Variants in TFEB observed in about 807,000 individuals in gnomAD.
TFEB encodes transcription factor EB.
A neutral mutation model predicts 48.0 loss-of-function variants in TFEB; 12 were observed. The ratio of observed to expected loss-of-function variants is 0.25; its 90% CI spans 0.16 to 0.40. The LOEUF is 0.40. TFEB is among the 10% of genes least tolerant of loss of function. The pLI is 1.00. For synonymous variants in TFEB, 244 were observed against 261.4 expected, an observed-to-expected ratio of 0.93 and a Z score of 0.64; for missense variants, 509 against 640.3, an observed-to-expected ratio of 0.79 and a Z score of 2.21.
chr6:41,690,282 C>T lies in TFEB; in HGVS notation c.468+381G>A, dbSNP rs142306903. ...AGTAGCTGGGATTACAGGCGTGCAC[C>T]ACCACGCCCAGCTAATTTTTGTATT... On this transcript the variant is annotated intron_variant, in intron 3 of 8. Coordinates refer to ENST00000373033, the MANE Select transcript of TFEB (RefSeq NM_001271944.2). Among the ~76,000 whole-genome samples, 1,022 of 152,262 alleles carry T rather than the reference C, an allele frequency of 6.7e-3. 6 individuals carry two copies. The highest frequency in any genetic ancestry group is 0.023 in the African/African-American group (970 of 41,546).
chr6:41,700,790 C>T (rs1769878482), intron 1 of TFEB, among the ~76,000 whole-genome samples: 1 of 152,338 alleles, frequency 6.6e-6, no homozygotes, highest in African/African-American at 2.4e-5. Flanking sequence ...ACAGCTCAGG[C>T]CCATCAGCCC....
intron 1 of TFEB, among the ~76,000 whole-genome samples, chr6:41,727,048 T>C (rs2127272895): frequency 1.3e-5 from 2 of 152,196 alleles, no homozygotes; most frequent in East Asian, 1.9e-4. Flanking sequence ...TACCATAGCC[T>C]CTTTCACCCG....
intron 1 of TFEB, among the ~76,000 whole-genome samples, chr6:41,708,531 G>A (rs13193017): frequency 0.1 from 15,420 of 152,220 alleles, 1,076 homozygotes; most frequent in Admixed American, 0.18. Context: ...TTCTGCAGAG[G>A]CCTCCAATGG....
rs1581878791 is a variant in TFEB, at chr6:41,690,777, T to G, written c.354A>C (p.Pro118=). 6.2e-7 allele frequency: 1 copy of G among 1,610,398 alleles called. No individual in the cohort carries two copies. The highest frequency in any genetic ancestry group is 8.5e-7 in the Non-Finnish European group (1 of 1,177,978). Residue 118 remains proline, a synonymous_variant, in exon 3 of 9, where the codon CCA becomes CCC. Transcript: ENST00000373033. ...ISPAQGSPKP[P]PAASPGVRAG... is the part of the protein sequence containing the mutation. ...CTCGCACCCCTGGGGAGGCGGCTGG[T>G]GGGGGTTTCGGAGAGCCCTGGGCTG...
At chr6:41,727,804 G>A (rs1433935977) in intron 1 of TFEB, among the ~76,000 whole-genome samples, 1 of 152,252 alleles carries the variant, frequency 6.6e-6, no homozygotes, top group Non-Finnish European at 1.5e-5. Flanking sequence ...GGCCTGAGCT[G>A]TCGGCCCTGA....
chr6:41,686,313 A>C lies in TFEB; in HGVS notation c.804-76T>G, dbSNP rs1034735943. ...AAATCCTTGCTACTGCTCTGGTTGC[A>C]GAGCTTATGTGGCCTGTCCCAGTCT... On this transcript the variant is annotated intron_variant, in intron 7 of 8. Coordinates refer to ENST00000373033, the MANE Select transcript of TFEB (RefSeq NM_001271944.2). 15 of 1,580,412 alleles carry C rather than the reference A, an allele frequency of 9.5e-6. No homozygotes were observed. The African/African-American group carries it at 1.6e-4, about 17-fold the overall frequency.
rs140862976 is a variant in TFEB at position 41,725,063 on chromosome 6, G to A, written c.-23+10287C>T. On this transcript the variant is annotated intron_variant, in intron 1 of 8. Transcript: ENST00000373033. ...CCCCATGAAGGGGAAGGGCAGCAAC[G>A]CTTGCTATCCGTTTTTCAGATTCCA... Among the ~76,000 whole-genome samples, 19 of 152,324 alleles carry A rather than the reference G, an allele frequency of 1.2e-4. No individual in the cohort carries two copies. The East Asian group carries it at 1.9e-3, about 15-fold the overall frequency.
intron 1 of TFEB, among the ~76,000 whole-genome samples, chr6:41,731,558 A>C (rs1179355745): frequency 6.6e-6 from 1 of 150,994 alleles, no homozygotes; most frequent in East Asian, 1.9e-4. Context: ...CTTTGGAGGG[A>C]ATCCCACAGA....
At chr6:41,703,573 A>C (rs1421595243) in intron 1 of TFEB, among the ~76,000 whole-genome samples, 2 of 152,232 alleles carry the variant, frequency 1.3e-5, no homozygotes, top group Non-Finnish European at 2.9e-5. Flanking sequence ...AGTACTTTGG[A>C]AACAACCACT....
In TFEB at chr6:41,713,298, G is replaced by C. The variant is rs34880700; in HGVS notation, c.-23+22052C>G. On this transcript the variant is annotated intron_variant, in intron 1 of 8. Transcript: ENST00000373033. ...CTGGCTGCAGCCAGGATGGCGAGGC[G>C]GGTGGTGGGCAGGTGGAGCTTGTCC... Among the ~76,000 whole-genome samples, 83 of 152,114 alleles carry C rather than the reference G, an allele frequency of 5.5e-4. 2 individuals carry two copies. Among genetic ancestry groups the C allele is most frequent in the Non-Finnish European group, 1.3e-4 (9 of 67,998 alleles).
chr6:41,688,134 G>A, intron 4 of TFEB, 106 bp from the exon 5 acceptor site: 1 of 1,401,528 alleles, frequency 7.1e-7, no homozygotes, highest in South Asian at 1.4e-5. Flanking sequence ...GACACCTGGA[G>A]TGTCAAAATT....
At chr6:41,733,091 G>T in intron 1 of TFEB, 1 of 980,190 alleles carries the variant, frequency 1.0e-6, no homozygotes. Flanking sequence ...GTCATAAACA[G>T]AGCCCCAGGA....
At chr6:41,728,440 G>T (rs1249151818) in intron 1 of TFEB, among the ~76,000 whole-genome samples, 1 of 152,236 alleles carries the variant, frequency 6.6e-6, no homozygotes, top group African/African-American at 2.4e-5. Flanking sequence ...GCACCGTCCT[G>T]GCAAGGCAGC....
intron 4 of TFEB, chr6:41,688,274 A>G (rs1180473892): frequency 2.2e-6 from 1 of 454,344 alleles, no homozygotes; most frequent in Non-Finnish European, 3.9e-6. Context: ...AACCAATAAT[A>G]TGTGATAGGA....
At chr6:41,731,546 C>T (rs1027818122) in intron 1 of TFEB, among the ~76,000 whole-genome samples, 7 of 151,626 alleles carry the variant, frequency 4.6e-5, no homozygotes, top group African/African-American at 9.7e-5. Flanking sequence ...GTAGAAGGTT[C>T]GCTTTGGAGG....
chr6:41,694,417 G>A (rs1047565320), intron 1 of TFEB, among the ~76,000 whole-genome samples: 10 of 152,216 alleles, frequency 6.6e-5, no homozygotes, highest in African/African-American at 2.2e-4. Context: ...CAACCCCACC[G>A]CTGGAGCTGT....
intron 1 of TFEB, among the ~76,000 whole-genome samples, chr6:41,693,463 C>A (rs985424141): frequency 4.6e-5 from 7 of 152,120 alleles, no homozygotes; most frequent in Admixed American, 1.3e-4. Context: ...GGAACCCAGC[C>A]CCAGGCAGCA....
At position 41,687,805 on chromosome 6, in the gene TFEB, A is replaced by G. The variant is rs1456611159; in HGVS notation, c.675T>C (p.Ala225=). 1 of 1,613,698 alleles carries G rather than the reference A, an allele frequency of 6.2e-7. No individual in the cohort carries two copies. Among genetic ancestry groups the G allele is most frequent in the Admixed American group, 1.7e-5 (1 of 59,972 alleles). ...GCTCCTTGGCCAGGGCCCTGCTCTCAGCATCTGGAGGCCAAAAGAGAAGGA... is the reference window on the plus strand; with the variant it reads ...GCTCCTTGGCCAGGGCCCTGCTCTCGGCATCTGGAGGCCAAAAGAGAAGGA... ...DLTQKRELTD[A]ESRALAKERQ... The change falls in exon 6 of 9, where the codon GCT becomes GCC. Residue 225 remains alanine, a synonymous_variant. Transcript: ENST00000373033.
intron 4 of TFEB, among the ~76,000 whole-genome samples, chr6:41,688,973 C>T (rs993457025): frequency 6.6e-6 from 1 of 152,212 alleles, no homozygotes; most frequent in South Asian, 2.1e-4. Context: ...GGAAGGGGCG[C>T]TGGCAATCCC....
Sources: allele counts gnomAD v4.1 joint callset (sites outside exome capture counted in the v4.1 genomes callset), GRCh38; gene constraint gnomAD v4.1.1; transcripts MANE v1.5; gene names NCBI Gene and HGNC (gene_info 2026-07-23, HGNC 2026-07-21).